CTNNA2: variants seen among roughly 807,000 people sequenced by gnomAD.
CTNNA2 encodes the protein catenin alpha-2.
Under a neutral mutation model 101.0 loss-of-function variants are expected in CTNNA2, and 42 were observed. That is an observed-to-expected ratio of 0.42 (90% confidence interval 0.32 to 0.54). CTNNA2 has a LOEUF of 0.54. Among genes scored for constraint, CTNNA2 ranks in the 20% least tolerant of loss-of-function variants. The pLI is 0.14. For synonymous variants in CTNNA2, 450 were observed against 456.4 expected (o/e 0.99, Z 0.18); for missense variants, 871 against 1,223.1 (o/e 0.71, Z 4.29).
intron 3 of CTNNA2, among the ~76,000 whole-genome samples, chr2:79,745,067 T>C (rs1671547170): frequency 6.6e-6 from 1 of 152,202 alleles, no homozygotes. Context: ...GCTACCTCTC[T>C]AGCTAGCTAG....
chr2:79,800,693 G>C (rs1676087249), intron 3 of CTNNA2, among the ~76,000 whole-genome samples: 1 of 152,146 alleles, frequency 6.6e-6, no homozygotes, highest in Non-Finnish European at 1.5e-5. Flanking sequence ...GAGCCTGCTA[G>C]AGTACACTAA....
chr2:79,495,919 A>G (rs1671251463), intron 4 of CTNNA2, among the ~76,000 whole-genome samples: 2 of 152,116 alleles, frequency 1.3e-5, no homozygotes, highest in East Asian at 1.9e-4. Context: ...TGGCAACTAT[A>G]TAGAGATAGA....
At chr2:79,650,196 G>T (rs759693264) in intron 1 of CTNNA2, among the ~76,000 whole-genome samples, 4 of 133,386 alleles carry the variant, frequency 3.0e-5, no homozygotes, top group Non-Finnish European at 6.5e-5. Flanking sequence ...GGAGGGGCTA[G>T]AACTGTAATT....
In CTNNA2 at chr2:80,277,553, G is replaced by GAAAAAAAAA. The variant is rs10650278; in HGVS notation, c.1057-115646_1057-115638dup. ...AGGAGAGACTCAGGGAAGGATTTCT[G>GAAAAAAAAA]AAAAAAAAAAAAAAAAAAAATGGAC... On this transcript the variant is annotated intron_variant, in intron 7 of 18. Transcript: ENST00000402739. Among the ~76,000 whole-genome samples, 59 of 83,804 alleles carry GAAAAAAAAA rather than the reference G, an allele frequency of 7.0e-4. 3 individuals are homozygous for GAAAAAAAAA. The highest frequency in any genetic ancestry group is 3.8e-3 in the South Asian group (6 of 1,588). The allele number at this position is 83,804 out of a possible 152,430, so 55.0% of individuals were successfully genotyped here.
At chr2:80,191,457 G>A (rs1361227382) in intron 7 of CTNNA2, among the ~76,000 whole-genome samples, 2 of 152,126 alleles carry the variant, frequency 1.3e-5, no homozygotes, top group African/African-American at 4.8e-5. Flanking sequence ...AATCCTGTCA[G>A]GAGATTGACT....
At chr2:80,267,621 C>T (rs992816594) in intron 7 of CTNNA2, among the ~76,000 whole-genome samples, 11 of 152,098 alleles carry the variant, frequency 7.2e-5, no homozygotes, top group East Asian at 1.9e-4. Context: ...GGGAAGGAGA[C>T]GATTCGCTCT....
rs59836500 is a variant in CTNNA2 at position 79,210,088 on chromosome 2, T to TTGTGTGTGTGTGTGTGTGTG, written c.-406+12020_-406+12039dup. ...TTTGAGATTACAGAGTCAAGCTATA[T>TTGTGTGTGTGTGTGTGTGTG]TGTGTGTGTGTGTGTGTGTGTGTGT... On this transcript the variant is annotated intron_variant, in intron 2 of 21. Transcript: ENST00000466387. Among the ~76,000 whole-genome samples the TTGTGTGTGTGTGTGTGTGTG allele has an allele frequency of 5.4e-3, 785 of 144,864 alleles. 5 individuals carry two copies. The highest frequency in any genetic ancestry group is 0.019 in the East Asian group (89 of 4,758).
At chr2:79,612,188 T>C (rs1678321853) in intron 1 of CTNNA2, among the ~76,000 whole-genome samples, 1 of 152,174 alleles carries the variant, frequency 6.6e-6, no homozygotes, top group Non-Finnish European at 1.5e-5. Context: ...TGCAATATTC[T>C]GTATGTCAGA....
At position 79,287,408 on chromosome 2, in the gene CTNNA2, G is replaced by A. The variant is rs567572396; in HGVS notation, c.-405-25301G>A. ...GTTTTATCTACTTTTGGTCTTTGAC[G>A]ATGGTGATGTACAGATGGGTTTTTG... is the stretch of plus-strand genomic sequence containing the variant. On this transcript the variant is annotated intron_variant, in intron 2 of 21. Transcript: ENST00000466387. Among the ~76,000 whole-genome samples, 7 of 152,288 alleles carry A rather than the reference G, an allele frequency of 4.6e-5. No homozygotes were observed. In the East Asian group the frequency reaches 5.8e-4, roughly 13 times the overall value.
chr2:80,488,041 T>A lies in CTNNA2; in HGVS notation c.1291-56941T>A, dbSNP rs566171446. 2.4e-3 allele frequency among the ~76,000 whole-genome samples: 364 copies of A among 152,338 alleles called. 3 individuals carry two copies. Among genetic ancestry groups the A allele is most frequent in the African/African-American group, 8.3e-3 (345 of 41,576 alleles). ...TTTAAAGCTAAGGAAATTATTTGAATATCCCAGTTTCAATGGCTAAAGCAA... is the reference window on the plus strand; with the variant it reads ...TTTAAAGCTAAGGAAATTATTTGAAAATCCCAGTTTCAATGGCTAAAGCAA... On this transcript the variant is annotated intron_variant, in intron 9 of 18. Coordinates refer to ENST00000402739, the MANE Select transcript of CTNNA2 (RefSeq NM_001282597.3).
intron 3 of CTNNA2, among the ~76,000 whole-genome samples, chr2:79,347,851 T>C (rs1164622550): frequency 6.7e-6 from 1 of 150,060 alleles, no homozygotes; most frequent in African/African-American, 2.5e-5. Flanking sequence ...AGCCAAGAAC[T>C]AGTGACCAAA....
intron 7 of CTNNA2, among the ~76,000 whole-genome samples, chr2:80,322,293 TCC>T (rs1420629192): frequency 9.2e-5 from 14 of 152,276 alleles, no homozygotes; most frequent in African/African-American, 3.1e-4. Context: ...TACAGTGTCT[TCC>T]CTAAGCCCCT....
At chr2:79,725,387 G>C (rs1041545893) in intron 2 of CTNNA2, among the ~76,000 whole-genome samples, 1 of 152,178 alleles carries the variant, frequency 6.6e-6, no homozygotes, top group East Asian at 1.9e-4. Flanking sequence ...CATTGTTCAA[G>C]ACAGTTGTGC....
At chr2:79,967,386 A>G (rs1453101273) in intron 7 of CTNNA2, among the ~76,000 whole-genome samples, 1 of 151,986 alleles carries the variant, frequency 6.6e-6, no homozygotes, top group Non-Finnish European at 1.5e-5. Flanking sequence ...TTCTCCTTCA[A>G]AAGGTCTCAA....
intron 7 of CTNNA2, among the ~76,000 whole-genome samples, chr2:80,181,984 A>C (rs1705815153): frequency 6.6e-6 from 1 of 152,162 alleles, no homozygotes; most frequent in Non-Finnish European, 1.5e-5. Context: ...CTTGGTGACA[A>C]CATCTGTGTT....
rs189873926 is a variant in CTNNA2, at chr2:80,270,962, C to A, written c.1057-122249C>A. 1.1e-3 allele frequency among the ~76,000 whole-genome samples: 174 copies of A among 152,214 alleles called. 4 individuals are homozygous for A. In the East Asian group the frequency reaches 0.018, roughly 16 times the overall value. ...GTGGATGGCAAAGAAACACAATTGG[C>A]AGCTACTGCCAAGAAAAGTTATCTT... On this transcript the variant is annotated intron_variant, in intron 7 of 18. Coordinates refer to ENST00000402739, the MANE Select transcript of CTNNA2 (RefSeq NM_001282597.3).
intron 7 of CTNNA2, among the ~76,000 whole-genome samples, chr2:80,371,009 G>A (rs954659653): frequency 1.3e-5 from 2 of 152,224 alleles, no homozygotes; most frequent in East Asian, 1.9e-4. Flanking sequence ...GGTAAGAAAC[G>A]GGAGGAAACA....
intron 2 of CTNNA2, among the ~76,000 whole-genome samples, chr2:79,687,905 A>C (rs143868234): frequency 1.3e-5 from 2 of 152,218 alleles, no homozygotes; most frequent in Non-Finnish European, 2.9e-5. Context: ...TGTGCTTCAG[A>C]TGGGAAGTTG....
chr2:79,808,745 G>A (rs79716008), intron 3 of CTNNA2, among the ~76,000 whole-genome samples: 3,618 of 151,804 alleles, frequency 0.024, 154 homozygotes, highest in African/African-American at 0.084. Flanking sequence ...GGCAAATTTG[G>A]GGTCAAGGTT....
Sources: allele counts gnomAD v4.1 joint callset (sites outside exome capture counted in the v4.1 genomes callset), GRCh38; gene constraint gnomAD v4.1.1; transcripts MANE v1.5; gene names NCBI Gene and HGNC (gene_info 2026-07-23, HGNC 2026-07-21).